Variants in AKAP6 observed in about 807,000 individuals in gnomAD.
AKAP6 encodes A-kinase anchoring protein 6, also known as A-kinase anchor protein 6.
AKAP6 carries 58 observed loss-of-function variants against 188.5 expected under a neutral mutation model. That is an observed-to-expected ratio of 0.31 (90% CI 0.25 to 0.38). The LOEUF (loss-of-function observed/expected upper bound fraction) is 0.38. AKAP6 is among the 10% of genes least tolerant of loss of function. The pLI is 1.00. For missense variants in AKAP6, 2,710 were observed against 2,740.0 expected (o/e 0.99, Z 0.24); for synonymous variants, 989 against 998.6 (o/e 0.99, Z 0.18).
chr14:32,742,460 T>G (rs1304960510), intron 11 of AKAP6, among the ~76,000 whole-genome samples: 2 of 152,026 alleles, frequency 1.3e-5, no homozygotes, highest in Non-Finnish European at 2.9e-5. Context: ...CTTTGTTATA[T>G]TGTTTATTTG....
At chr14:32,800,199 C>A (rs28844107) in intron 12 of AKAP6, among the ~76,000 whole-genome samples, 1 of 144,766 alleles carries the variant, frequency 6.9e-6, no homozygotes, top group African/African-American at 2.6e-5. Flanking sequence ...CATATATATA[C>A]ATATATATAC....
intron 4 of AKAP6, among the ~76,000 whole-genome samples, chr14:32,553,628 G>C (rs1883573959): frequency 6.6e-6 from 1 of 151,960 alleles, no homozygotes; most frequent in African/African-American, 2.4e-5. Flanking sequence ...ATTGTTTTTA[G>C]TACTTACATA....
rs1021392227 is a variant in AKAP6 at position 32,713,287 on chromosome 14, G to A, written c.3000+17177G>A. Among the ~76,000 whole-genome samples the A allele has an allele frequency of 7.8e-4, 118 of 152,162 alleles. 2 individuals carry two copies. Among genetic ancestry groups the A allele is most frequent in the African/African-American group, 9.1e-4 (38 of 41,554 alleles). ...GTTCCACTGATAGAGCACAGGCAGA[G>A]TAGAGTTAGCATAATTCTTAAGGGC... On this transcript the variant is annotated intron_variant, in intron 9 of 13. Coordinates refer to ENST00000280979, the MANE Select transcript of AKAP6 (RefSeq NM_004274.5).
intron 8 of AKAP6, among the ~76,000 whole-genome samples, chr14:32,694,845 GAACAGGTAGTAATAAAAT>G (rs1363327654): frequency 6.6e-6 from 1 of 152,052 alleles, no homozygotes; most frequent in Non-Finnish European, 1.5e-5. Flanking sequence ...ACAGAGACAA[GAACAGGTAGTAATAAAAT>G]ACTCAACTGA....
chr14:32,796,317 C>A (rs1338400801), intron 12 of AKAP6, among the ~76,000 whole-genome samples: 1 of 152,032 alleles, frequency 6.6e-6, no homozygotes, highest in Non-Finnish European at 1.5e-5. Context: ...GCTGAATAAC[C>A]AAGACAATCC....
chr14:32,584,569 A>G (rs1301000984), intron 5 of AKAP6, among the ~76,000 whole-genome samples: 1 of 152,166 alleles, frequency 6.6e-6, no homozygotes, highest in Non-Finnish European at 1.5e-5. Context: ...AATCACTGCA[A>G]TTAAGATAGT....
intron 2 of AKAP6, among the ~76,000 whole-genome samples, chr14:32,469,833 C>T (rs1878675120): frequency 6.6e-6 from 1 of 151,922 alleles, no homozygotes; most frequent in African/African-American, 2.4e-5. Flanking sequence ...AAAGATTATG[C>T]CTTCAGTTAC....
chr14:32,509,628 T>C (rs933409945), intron 2 of AKAP6, among the ~76,000 whole-genome samples: 1 of 152,132 alleles, frequency 6.6e-6, no homozygotes, highest in Non-Finnish European at 1.5e-5. Context: ...TTGGAGTGGG[T>C]GCACTCTTTT....
intron 2 of AKAP6, among the ~76,000 whole-genome samples, chr14:32,496,062 G>A (rs1280600971): frequency 6.6e-6 from 1 of 152,192 alleles, no homozygotes; most frequent in Non-Finnish European, 1.5e-5. Flanking sequence ...GTATGTGAAT[G>A]CTGTAAATGA....
chr14:32,586,354 A>G (rs998619254), intron 5 of AKAP6, among the ~76,000 whole-genome samples: 2 of 152,326 alleles, frequency 1.3e-5, no homozygotes, highest in African/African-American at 2.4e-5. Context: ...CAGGCTGGCC[A>G]TGGTGGCTAA....
At chr14:32,801,034 T>A (rs1461383904) in intron 12 of AKAP6, among the ~76,000 whole-genome samples, 2 of 151,998 alleles carry the variant, frequency 1.3e-5, no homozygotes, top group African/African-American at 2.4e-5. Flanking sequence ...AATAAATAAA[T>A]AAAAAGTGAG....
chr14:32,392,101 A>G (rs1341777128), intron 1 of AKAP6, among the ~76,000 whole-genome samples: 1 of 152,250 alleles, frequency 6.6e-6, no homozygotes, highest in East Asian at 1.9e-4. Flanking sequence ...TCACACATGA[A>G]TAATATAACA....
chr14:32,419,248 A>G (rs1889758286), intron 1 of AKAP6, among the ~76,000 whole-genome samples: 1 of 152,210 alleles, frequency 6.6e-6, no homozygotes, highest in Non-Finnish European at 1.5e-5. Context: ...AAATCTCTGG[A>G]TATTAACAGC....
intron 7 of AKAP6, among the ~76,000 whole-genome samples, chr14:32,612,609 T>C (rs993565627): frequency 6.6e-6 from 1 of 152,212 alleles, no homozygotes; most frequent in Non-Finnish European, 1.5e-5. Context: ...TCACCTATTT[T>C]TTCCCAAATA....
chr14:32,337,569 A>T (rs985025861), intron 1 of AKAP6, among the ~76,000 whole-genome samples: 2 of 152,044 alleles, frequency 1.3e-5, no homozygotes, highest in African/African-American at 2.4e-5. Context: ...TTTTTTAAAA[A>T]TTTTATTTTA....
chr14:32,836,277 C>G lies in AKAP6; in HGVS notation c.*6472C>G, dbSNP rs984649495. Reference sequence around the variant, plus strand: ...ATCAAGATGCTAGCAGATTCAGTGTCTGAGGAGGGCTCACTTTCTGTTTCA... The same window carrying G: ...ATCAAGATGCTAGCAGATTCAGTGTGTGAGGAGGGCTCACTTTCTGTTTCA... On this transcript the variant is annotated 3_prime_UTR_variant, in exon 14 of 14. Coordinates refer to ENST00000280979, the MANE Select transcript of AKAP6 (RefSeq NM_004274.5). 3 of 152,194 alleles carry G rather than the reference C, an allele frequency of 2.0e-5. No individual in the cohort carries two copies. The highest frequency in any genetic ancestry group is 2.9e-5 in the Non-Finnish European group (2 of 68,134). 9.4% of individuals were successfully genotyped at this position (152,194 alleles called of 1,614,324 possible).
intron 11 of AKAP6, among the ~76,000 whole-genome samples, chr14:32,745,765 C>T (rs1201034690): frequency 6.6e-6 from 1 of 152,204 alleles, no homozygotes. Flanking sequence ...GCAGCAAGTT[C>T]TCCCAGGCCC....
chr14:32,728,065 A>T (rs2030961636), intron 9 of AKAP6, among the ~76,000 whole-genome samples: 2 of 152,170 alleles, frequency 1.3e-5, no homozygotes, highest in East Asian at 3.9e-4. Context: ...CTGGACTTTT[A>T]TATAAAAAGA....
At chr14:32,576,992 A>T in intron 4 of AKAP6, 128 bp from the exon 5 acceptor site, 1 of 1,023,680 alleles carries the variant, frequency 9.8e-7, no homozygotes, top group Non-Finnish European at 1.4e-6. Context: ...TGAAACTAGG[A>T]TAGGAGTGCG....
Sources: allele counts gnomAD v4.1 joint callset (sites outside exome capture counted in the v4.1 genomes callset), GRCh38; gene constraint gnomAD v4.1.1; transcripts MANE v1.5; gene names NCBI Gene and HGNC (gene_info 2026-07-23, HGNC 2026-07-21).